Variants in UNK observed in about 807,000 individuals in gnomAD.
The protein encoded by UNK is RING finger protein unkempt homolog.
A neutral mutation model predicts 97.6 loss-of-function variants in UNK; 32 were observed. The ratio of observed to expected loss-of-function variants is 0.33; its 90% CI spans 0.25 to 0.44. UNK has a LOEUF of 0.44. Among genes scored for constraint, UNK ranks in the 20% least tolerant of loss-of-function variants. The pLI is 1.00. For missense variants in UNK, 771 were observed against 1,098.4 expected (o/e 0.70, Z 4.21); for synonymous variants, 441 against 461.2 (o/e 0.96, Z 0.56).
chr17:75,798,058 C>T (rs1333713525), intron 1 of UNK, among the ~76,000 whole-genome samples: 1 of 151,182 alleles, frequency 6.6e-6, no homozygotes, highest in Non-Finnish European at 1.5e-5. Context: ...AAAAGATTGA[C>T]CACAGCTCTT....
Position 75,817,370 on chromosome 17 carries a change from C to T in UNK, c.1149C>T (p.Cys383=), listed in dbSNP as rs187859962. ...NSSLGSPSNL[C]GSPPGSIRKP... ...GCCTAGGCAGCCCGTCTAACCTCTG[C>T]GGCTCCCCACCGGGCTCCATCAGGA... is the stretch of plus-strand genomic sequence containing the variant. Residue 383 remains cysteine, a synonymous_variant, in exon 9 of 16, where the codon TGC becomes TGT. Transcript: ENST00000589666. The surrounding 1 kb of genome is among the most constrained non-coding windows in gnomAD (Gnocchi z 5.8). The T allele has an allele frequency of 1.6e-5, 25 of 1,608,798 alleles. No homozygotes were observed. Among genetic ancestry groups the T allele is most frequent in the Admixed American group, 6.7e-5 (4 of 59,748 alleles).
rs2062102351 is a variant in UNK at position 75,824,634 on chromosome 17, CATAG to C, written c.*221_*224del. On this transcript the variant is annotated 3_prime_UTR_variant, in exon 16 of 16. Coordinates refer to ENST00000589666, the MANE Select transcript of UNK (RefSeq NM_001080419.3). This position sits in a 1 kb window ranked among gnomAD's most constrained non-coding sequence, Gnocchi z 4.9. ...GACAGTGTCTGTGTGTATATCTGTA[CATAG>C]ATATAGACACACACTTTAAAAGACT... 3 of 250,114 alleles carry C rather than the reference CATAG, an allele frequency of 1.2e-5. No individual in the cohort carries two copies. The highest frequency in any genetic ancestry group is 6.8e-5 in the African/African-American group (3 of 44,320). 15.5% of individuals were successfully genotyped at this position (250,114 alleles called of 1,614,324 possible).
intron 1 of UNK, among the ~76,000 whole-genome samples, chr17:75,806,851 G>A (rs1018118243): frequency 1.3e-5 from 2 of 152,218 alleles, no homozygotes; most frequent in African/African-American, 4.8e-5. Flanking sequence ...CATCTGGACA[G>A]AGAAAGGCCA....
At chr17:75,810,598 T>A (rs1262072194) in intron 2 of UNK, among the ~76,000 whole-genome samples, 1 of 152,190 alleles carries the variant, frequency 6.6e-6, no homozygotes, top group Non-Finnish European at 1.5e-5. Flanking sequence ...TTTATTTATT[T>A]AGACAGGGTC....
Position 75,817,058 on chromosome 17 carries a change from T to C in UNK, c.1104+146T>C. 2 of 1,347,008 alleles carry C rather than the reference T, an allele frequency of 1.5e-6. No homozygotes were observed. Among genetic ancestry groups the C allele is most frequent in the South Asian group, 1.5e-5 (1 of 65,890 alleles). The allele number at this position is 1,347,008 out of a possible 1,614,324, so 83.4% of individuals were successfully genotyped here. A position where few individuals can be genotyped will look rare whatever the true frequency, so the allele number is the denominator to read the frequency against. On this transcript the variant is annotated intron_variant, in intron 8 of 15. Transcript: ENST00000589666. The surrounding 1 kb of genome is among the most constrained non-coding windows in gnomAD (Gnocchi z 5.8). ...ATCTGTCTTTTCCATCTCAGCATTC[T>C]TCGTCAAAAGTCCAGGCCCGGGGGT...
chr17:75,810,969 G>A lies in UNK; in HGVS notation c.314+1000G>A, dbSNP rs112910865. Among the ~76,000 whole-genome samples, 1,289 of 151,428 alleles carry A rather than the reference G, an allele frequency of 8.5e-3. 15 individuals are homozygous for A. Among genetic ancestry groups the A allele is most frequent in the Middle Eastern group, 0.028 (8 of 288 alleles). Reference sequence around the variant, plus strand: ...TTTCTTTTTTTTTGAGATGGAGTCCGCTCTGTTGCCGAGGCTGGAATGGGC... The same window carrying A: ...TTTCTTTTTTTTTGAGATGGAGTCCACTCTGTTGCCGAGGCTGGAATGGGC... On this transcript the variant is annotated intron_variant, in intron 2 of 15. Coordinates refer to ENST00000589666, the MANE Select transcript of UNK (RefSeq NM_001080419.3).
chr17:75,822,442 C>T (rs764978547), intron 13 of UNK, 35 bp from the exon 14 acceptor site: 140 of 1,580,822 alleles, frequency 8.9e-5, no homozygotes, highest in Non-Finnish European at 1.2e-4. Flanking sequence ...GCCCAAAGCC[C>T]TCCGGAGCTG....
intron 4 of UNK, 61 bp downstream of exon 4, chr17:75,812,646 G>GC (rs1463339631): frequency 2.4e-4 from 377 of 1,566,430 alleles, no homozygotes; most frequent in Non-Finnish European, 2.9e-4. Context: ...CTGCCCTGGG[G>GC]ATTTGGCTCA....
intron 1 of UNK, among the ~76,000 whole-genome samples, chr17:75,796,819 G>A (rs139237845): frequency 1.3e-3 from 201 of 152,254 alleles, no homozygotes; most frequent in African/African-American, 4.7e-3. Flanking sequence ...ATACATACTT[G>A]GATAAATAAT....
chr17:75,811,001 T>G (rs911922884), intron 2 of UNK, among the ~76,000 whole-genome samples: 2 of 150,540 alleles, frequency 1.3e-5, no homozygotes, highest in African/African-American at 4.9e-5. Context: ...GGGCACCTGC[T>G]TCCACTGGCA....
rs2062084374 is a variant in UNK, at chr17:75,823,150, G to A, written c.2020-115G>A. The A allele has an allele frequency of 5.4e-6, 8 of 1,472,818 alleles. No homozygotes were observed. In the East Asian group the frequency reaches 7.0e-5, roughly 13 times the overall value. The allele number at this position is 1,472,818 out of a possible 1,614,324, so 91.2% of individuals were successfully genotyped here. A position where few individuals can be genotyped will look rare whatever the true frequency, so the allele number is the denominator to read the frequency against. On this transcript the variant is annotated intron_variant, in intron 14 of 15. Coordinates refer to ENST00000589666, the MANE Select transcript of UNK (RefSeq NM_001080419.3). ...CTCCTCCTTGCCCTCCTCCCAGAGA[G>A]CCAACCCAGCTTCCCACCAGGCCTC...
At chr17:75,789,127 C>G (rs1447293057) in intron 1 of UNK, among the ~76,000 whole-genome samples, 1 of 151,678 alleles carries the variant, frequency 6.6e-6, no homozygotes, top group Non-Finnish European at 1.5e-5. Context: ...TTTCTAAACT[C>G]TTGAATAATC....
Position 75,818,484 on chromosome 17 carries a change from C to A in UNK, c.1372-158C>A, listed in dbSNP as rs2062036539. Among the ~76,000 whole-genome samples, 1 of 152,182 alleles carries A rather than the reference C, an allele frequency of 6.6e-6. No individual in the cohort carries two copies. The highest frequency in any genetic ancestry group is 1.5e-5 in the Non-Finnish European group (1 of 68,004). On this transcript the variant is annotated intron_variant, in intron 10 of 15. Coordinates refer to ENST00000589666, the MANE Select transcript of UNK (RefSeq NM_001080419.3). This position sits in a 1 kb window ranked among gnomAD's most constrained non-coding sequence, Gnocchi z 5.1. ...CGCACCTCCAACTCCATGCTCTCAA[C>A]AAGGTGTCGGGTGTGCCGGGGCCCA...
At chr17:75,807,897 A>C (rs1023971959) in intron 1 of UNK, among the ~76,000 whole-genome samples, 2 of 152,202 alleles carry the variant, frequency 1.3e-5, no homozygotes, top group African/African-American at 4.8e-5. Flanking sequence ...CCAGAAGCAG[A>C]TAATTTCTTT....
intron 1 of UNK, chr17:75,793,957 G>T (rs190867187): frequency 3.2e-5 from 32 of 985,274 alleles, no homozygotes; most frequent in Non-Finnish European, 3.6e-5. Context: ...ATTAATTTTG[G>T]TAAGAACATT....
Position 75,823,527 on chromosome 17 carries a change from G to T in UNK, c.2277+5G>T, listed in dbSNP as rs1235421071. On this transcript the variant is annotated splice_donor_5th_base_variant and intron_variant, in intron 15 of 15. Transcript: ENST00000589666. ...CACCTGGAACAAGTGGACAAGGTCA[G>T]CCCAGGTCGGGGAGCACTGGGTGGG... is the stretch of plus-strand genomic sequence containing the variant. The T allele has an allele frequency of 6.5e-7, 1 of 1,543,124 alleles. No individual in the cohort carries two copies. Among genetic ancestry groups the T allele is most frequent in the Non-Finnish European group, 8.8e-7 (1 of 1,138,332 alleles).
Position 75,816,848 on chromosome 17 carries a change from C to T in UNK, c.1040C>T (p.Pro347Leu). The change falls in exon 8 of 16, where the codon CCA (proline) becomes CTA (leucine). Residue 347 changes from proline to leucine, a missense_variant. This residue lies in a region of UNK where 192 missense variants were observed against 202.4 expected (regional missense o/e 0.95). Transcript: ENST00000589666. This position sits in a 1 kb window ranked among gnomAD's most constrained non-coding sequence, Gnocchi z 4.0. Reference protein sequence around the residue: ...PTQPGPVLYMPSAAGDSVPVS... With the variant: ...PTQPGPVLYMLSAAGDSVPVS... ...CAGCCAGGTCCTGTCCTGTACATGC[C>T]ATCTGCCGCCGGAGACTCGGTGCCT... 6.2e-7 allele frequency: 1 copy of T among 1,607,698 alleles called. No individual in the cohort carries two copies. Among genetic ancestry groups the T allele is most frequent in the Non-Finnish European group, 8.5e-7 (1 of 1,179,342 alleles).
chr17:75,799,896 A>C (rs2061839886), intron 1 of UNK, among the ~76,000 whole-genome samples: 1 of 152,100 alleles, frequency 6.6e-6, no homozygotes, highest in Admixed American at 6.6e-5. Flanking sequence ...AGGCCAGAGG[A>C]TAGCTAGAGC....
intron 1 of UNK, among the ~76,000 whole-genome samples, chr17:75,786,468 G>C (rs765977580): frequency 6.6e-6 from 1 of 152,156 alleles, no homozygotes; most frequent in South Asian, 2.1e-4. Context: ...TAATAGAAAG[G>C]CTTTCTTATT....
Sources: gnomAD v4.1 joint callset for allele counts (sites outside exome capture counted in the v4.1 genomes callset) on GRCh38, gnomAD v4.1.1 for gene constraint, gnomAD v4.1.1 regional missense constraint, Gnocchi (gnomAD v3.1) non-coding constraint, MANE v1.5 for transcripts, NCBI Gene and HGNC (gene_info 2026-07-23, HGNC 2026-07-21) for gene names.